CRAMP1: variants seen among roughly 807,000 people sequenced by gnomAD.
CRAMP1 encodes the protein cramped chromatin regulator 1.
A neutral mutation model predicts 115.4 loss-of-function variants in CRAMP1; 50 were observed. That is an observed-to-expected ratio of 0.43 (90% CI 0.35 to 0.55). The LOEUF is 0.55. Ranked by LOEUF, CRAMP1 falls within the 20% of genes least tolerant of loss-of-function variation. The probability of loss-of-function intolerance (pLI) is 0.01; values close to 1 mark genes in which losing one functional copy is unlikely to be tolerated. For synonymous variants in CRAMP1, 866 were observed against 745.4 expected (o/e 1.16, Z -2.64); for missense variants, 1,679 against 1,721.7 (o/e 0.98, Z 0.44).
At chr16:1,617,223 C>T (rs150810290) in intron 2 of CRAMP1, among the ~76,000 whole-genome samples, 36 of 152,298 alleles carry the variant, frequency 2.4e-4, no homozygotes, top group African/African-American at 7.7e-4. Flanking sequence ...CAGAACTTCT[C>T]GGCCACTGTC....
intron 2 of CRAMP1, among the ~76,000 whole-genome samples, chr16:1,624,339 G>T (rs1330880289): frequency 6.6e-6 from 1 of 152,074 alleles, no homozygotes; most frequent in Non-Finnish European, 1.5e-5. Context: ...CGATGAAGAA[G>T]CAGATCTGGA....
chr16:1,613,942 A>T (rs1427273754), intron 1 of CRAMP1, among the ~76,000 whole-genome samples: 1 of 152,184 alleles, frequency 6.6e-6, no homozygotes, highest in Non-Finnish European at 1.5e-5. Flanking sequence ...GTTTTAAAAT[A>T]AGCAGGCGGG....
At position 1,659,882 on chromosome 16, in the gene CRAMP1, C is replaced by G. The variant is rs756180135; in HGVS notation, c.2236-4C>G. ...GGACATTGTTTGGCCCATTTCTGTC[C>G]TAGGCTCTGGAAGCAAACACCATCT... On this transcript the variant is annotated splice_polypyrimidine_tract_variant and splice_region_variant and intron_variant, in intron 10 of 20. Coordinates refer to ENST00000397412, the MANE Select transcript of CRAMP1 (RefSeq NM_020825.4). 3 of 1,613,146 alleles carry G rather than the reference C, an allele frequency of 1.9e-6. No homozygotes were observed. The highest frequency in any genetic ancestry group is 2.7e-5 in the African/African-American group (2 of 74,936).
rs753035998 is a variant in CRAMP1 at position 1,656,988 on chromosome 16, A to C, written c.2231A>C (p.Lys744Thr). The C allele has an allele frequency of 1.1e-5, 17 of 1,525,556 alleles. No homozygotes were observed. In the South Asian group the frequency reaches 1.6e-4, roughly 15 times the overall value. 94.5% of individuals were successfully genotyped at this position (1,525,556 alleles called of 1,614,324 possible). A position where few individuals can be genotyped will look rare whatever the true frequency, so the allele number is the denominator to read the frequency against. ...LKLISTEVNP[K>T]LALEANTIST... is the part of the protein sequence containing the mutation. ...CTCATTTCCACCGAGGTCAACCCCA[A>C]GCTGGTGAGTGGGTTGGAGCCCAGC... The change falls in exon 10 of 21, where the codon AAG (lysine) becomes ACG (threonine). Residue 744 changes from lysine to threonine, a missense_variant. Physicochemically the swap from Lys to Thr is moderately conservative, Grantham distance 78. Coordinates refer to ENST00000397412, the MANE Select transcript of CRAMP1 (RefSeq NM_020825.4). This position sits in a 1 kb window ranked among gnomAD's most constrained non-coding sequence, Gnocchi z 5.6.
In CRAMP1 at chr16:1,677,279, C is replaced by A. The variant is rs2036978182; in HGVS notation, c.*3234C>A. ...CTAACATGGAGAGACCCTGTCTCTA[C>A]TAAAAGTACAGAATTAGCCGGGCGT... is the stretch of plus-strand genomic sequence containing the variant. On this transcript the variant is annotated 3_prime_UTR_variant, in exon 21 of 21. Coordinates refer to ENST00000397412, the MANE Select transcript of CRAMP1 (RefSeq NM_020825.4). 1 of 152,174 alleles carries A rather than the reference C, an allele frequency of 6.6e-6. No homozygotes were observed. Among genetic ancestry groups the A allele is most frequent in the African/African-American group, 2.4e-5 (1 of 41,420 alleles). The allele number at this position is 152,174 out of a possible 1,614,324, so 9.4% of individuals were successfully genotyped here. A position where few individuals can be genotyped will look rare whatever the true frequency, so the allele number is the denominator to read the frequency against.
intron 2 of CRAMP1, among the ~76,000 whole-genome samples, chr16:1,622,923 G>T (rs775091168): frequency 9.2e-5 from 14 of 151,880 alleles, no homozygotes; most frequent in Non-Finnish European, 2.1e-4. Context: ...CACCACATGG[G>T]GCTAATTTTG....
In CRAMP1 at chr16:1,669,204, G is replaced by A. The variant is rs574812404; in HGVS notation, c.3499+39G>A. On this transcript the variant is annotated intron_variant, in intron 19 of 20. Coordinates refer to ENST00000397412, the MANE Select transcript of CRAMP1 (RefSeq NM_020825.4). This position sits in a 1 kb window ranked among gnomAD's most constrained non-coding sequence, Gnocchi z 4.6. ...GAGGGCTCCCATCTCCTTTTCCAGG[G>A]CAGCAGGGGCTGGGGTCTGCGGGAC... The A allele has an allele frequency of 2.0e-6, 3 of 1,491,278 alleles. No homozygotes were observed. Among genetic ancestry groups the A allele is most frequent in the African/African-American group, 2.8e-5 (2 of 70,788 alleles). 92.4% of individuals were successfully genotyped at this position (1,491,278 alleles called of 1,614,324 possible). A position where few individuals can be genotyped will look rare whatever the true frequency, so the allele number is the denominator to read the frequency against.
Position 1,673,954 on chromosome 16 carries a change from C to A in CRAMP1, c.3719C>A (p.Ala1240Asp). The A allele has an allele frequency of 2.5e-6, 4 of 1,613,574 alleles. No homozygotes were observed. Among genetic ancestry groups the A allele is most frequent in the Non-Finnish European group, 3.4e-6 (4 of 1,179,880 alleles). ...TACATTTCTCGGTTCAATGACCTGG[C>A]CCAAGAGCTGTCCATCGCTGAGCCT... ...IDYISRFNDL[A>D]QELSIAEPGR... Residue 1240 changes from alanine (A) to aspartate (D), a missense_variant, in exon 21 of 21, where the codon GCC (alanine) becomes GAC (aspartate). By Grantham distance (126) the Ala-to-Asp change is moderately radical (BLOSUM62 -2). Transcript: ENST00000397412.
In CRAMP1 at chr16:1,671,575, T is replaced by C. The variant is rs184150227; in HGVS notation, c.3645+766T>C. 4.3e-4 allele frequency among the ~76,000 whole-genome samples: 65 copies of C among 152,274 alleles called. No homozygotes were observed. In the East Asian group the frequency reaches 0.011, roughly 26 times the overall value. On this transcript the variant is annotated intron_variant, in intron 20 of 20. Coordinates refer to ENST00000397412, the MANE Select transcript of CRAMP1 (RefSeq NM_020825.4). The surrounding 1 kb of genome is among the most constrained non-coding windows in gnomAD (Gnocchi z 5.0). ...TGTGGGCAGTCGGGTGAGGGCTCTA[T>C]GGACAGGGAGGGAACTCCAGGTCCA...
chr16:1,617,420 C>T (rs575727164), intron 2 of CRAMP1, among the ~76,000 whole-genome samples: 15 of 152,346 alleles, frequency 9.8e-5, no homozygotes, highest in African/African-American at 3.4e-4. Flanking sequence ...GCAGTTGCCC[C>T]GCAACAGTCT....
At chr16:1,647,773 A>G (rs1275068024) in intron 6 of CRAMP1, among the ~76,000 whole-genome samples, 3 of 143,652 alleles carry the variant, frequency 2.1e-5, no homozygotes. Context: ...AAAAAAAAAA[A>G]GCTACTCATG....
chr16:1,613,987 C>A (rs1032373712), intron 1 of CRAMP1, among the ~76,000 whole-genome samples: 3 of 151,852 alleles, frequency 2.0e-5, no homozygotes, highest in Non-Finnish European at 4.4e-5. Context: ...GTTCCCCGTG[C>A]GGGCAGGCGA....
chr16:1,675,291 G>GTC lies in CRAMP1; in HGVS notation c.*1247_*1248dup, dbSNP rs1166593491. 1 of 152,316 alleles carries GTC rather than the reference G, an allele frequency of 6.6e-6. No individual in the cohort carries two copies. The highest frequency in any genetic ancestry group is 1.5e-5 in the Non-Finnish European group (1 of 68,120). The allele number at this position is 152,316 out of a possible 1,614,324, so 9.4% of individuals were successfully genotyped here. A position where few individuals can be genotyped will look rare whatever the true frequency, so the allele number is the denominator to read the frequency against. On this transcript the variant is annotated 3_prime_UTR_variant, in exon 21 of 21. Transcript: ENST00000397412. ...ATCCTCAGGAGTTCCAGGCACATGA[G>GTC]TCACCGTCCATCCACATCCAGTGTG...
Position 1,614,996 on chromosome 16 carries a change from C to G in CRAMP1, c.346+11C>G, listed in dbSNP as rs923089487. The G allele has an allele frequency of 8.0e-7, 1 of 1,245,076 alleles. No homozygotes were observed. The highest frequency in any genetic ancestry group is 1.0e-6 in the Non-Finnish European group (1 of 992,596). 77.1% of individuals were successfully genotyped at this position (1,245,076 alleles called of 1,614,324 possible). Reference sequence around the variant, plus strand: ...GGCCCCGCGGAAAAGGTAGGGCGGCCCGTCCCCTTGGGAGACCCCAGCCCC... The same window carrying G: ...GGCCCCGCGGAAAAGGTAGGGCGGCGCGTCCCCTTGGGAGACCCCAGCCCC... On this transcript the variant is annotated intron_variant, in intron 2 of 20. Transcript: ENST00000397412. This position sits in a 1 kb window ranked among gnomAD's most constrained non-coding sequence, Gnocchi z 4.4.
chr16:1,622,289 G>C (rs2036471516), intron 2 of CRAMP1, among the ~76,000 whole-genome samples: 1 of 152,222 alleles, frequency 6.6e-6, no homozygotes, highest in African/African-American at 2.4e-5. Flanking sequence ...GAGGCGGGAG[G>C]ATTATCTGAG....
At chr16:1,660,208 A>T in intron 11 of CRAMP1, 145 bp downstream of exon 11, 1 of 677,110 alleles carries the variant, frequency 1.5e-6, no homozygotes, top group Non-Finnish European at 2.3e-6. Context: ...TGACAGGGTG[A>T]AGGTGCAGAA....
intron 13 of CRAMP1, among the ~76,000 whole-genome samples, chr16:1,663,126 A>G (rs1217257213): frequency 6.6e-6 from 1 of 152,222 alleles, no homozygotes; most frequent in Non-Finnish European, 1.5e-5. Context: ...CTCAACACCT[A>G]TTTATAAACA....
At chr16:1,623,244 G>T (rs998322110) in intron 2 of CRAMP1, among the ~76,000 whole-genome samples, 2 of 152,254 alleles carry the variant, frequency 1.3e-5, no homozygotes, top group Non-Finnish European at 1.5e-5. Flanking sequence ...GCCTTGGGCT[G>T]CTGGGAGGTG....
chr16:1,650,329 CA>C (rs1455507670), intron 6 of CRAMP1, among the ~76,000 whole-genome samples: 1 of 152,212 alleles, frequency 6.6e-6, no homozygotes, highest in African/African-American at 2.4e-5. Context: ...GCTTTTCAGC[CA>C]AACTGCGGGA....
Sources: allele counts gnomAD v4.1 joint callset (sites outside exome capture counted in the v4.1 genomes callset), GRCh38; gene constraint gnomAD v4.1.1; non-coding constraint Gnocchi (gnomAD v3.1); transcripts MANE v1.5; gene names NCBI Gene and HGNC (gene_info 2026-07-23, HGNC 2026-07-21).